The following PGBD5 variants were observed in gnomAD, a reference collection of about 807,000 sequenced individuals.
PGBD5 encodes the protein piggyBac transposable element-derived protein 5.
PGBD5 carries 14 observed loss-of-function variants against 47.9 expected under a neutral mutation model. The ratio of observed to expected loss-of-function variants is 0.29; its 90% CI spans 0.19 to 0.46. The LOEUF (loss-of-function observed/expected upper bound fraction) is 0.46, where lower values mean the gene tolerates loss of function less well. Among genes scored for constraint, PGBD5 ranks in the 20% least tolerant of loss-of-function variants. PGBD5 has a pLI of 1.00. For missense variants in PGBD5, 635 were observed against 716.0 expected (o/e 0.89, Z 1.29); for synonymous variants, 316 against 306.3 (o/e 1.03, Z -0.33).
intron 3 of PGBD5, 41 bp downstream of exon 3, chr1:230,350,917 C>A (rs1295603942): frequency 1.1e-5 from 18 of 1,603,110 alleles, no homozygotes; most frequent in Non-Finnish European, 1.4e-5. Context: ...TCTTCCCCGA[C>A]CCTCTTCACC....
At chr1:230,334,020 C>G (rs1265829506) in intron 4 of PGBD5, among the ~76,000 whole-genome samples, 1 of 152,236 alleles carries the variant, frequency 6.6e-6, no homozygotes, top group Non-Finnish European at 1.5e-5. Context: ...ACTCTCTGCT[C>G]AGCTCCCGGA....
chr1:230,368,701 G>C (rs1667881372), intron 1 of PGBD5, among the ~76,000 whole-genome samples: 1 of 152,234 alleles, frequency 6.6e-6, no homozygotes, highest in Non-Finnish European at 1.5e-5. Context: ...ACAGGGACAG[G>C]GTCGGTAATG....
chr1:230,382,283 ATTTTAAT>A (rs147293704), intron 1 of PGBD5, among the ~76,000 whole-genome samples: 12,291 of 152,202 alleles, frequency 0.081, 699 homozygotes, highest in African/African-American at 0.17. Flanking sequence ...ATTTTGAAGT[ATTTTAAT>A]TTTTAACAGG....
intron 1 of PGBD5, among the ~76,000 whole-genome samples, chr1:230,402,129 A>C (rs1657152703): frequency 2.0e-5 from 3 of 152,214 alleles, no homozygotes; most frequent in Non-Finnish European, 4.4e-5. Flanking sequence ...TTAAAAAAAA[A>C]GAAATGAACA....
At chr1:230,374,928 C>T (rs1404056466) in intron 1 of PGBD5, among the ~76,000 whole-genome samples, 1 of 152,052 alleles carries the variant, frequency 6.6e-6, no homozygotes, top group African/African-American at 2.4e-5. Flanking sequence ...GAGGAGAGAG[C>T]AGGCATGGGG....
At position 230,357,658 on chromosome 1, in the gene PGBD5, CG is replaced by C. The variant is rs971619504; in HGVS notation, c.332-338del. On this transcript the variant is annotated intron_variant, in intron 1 of 6. Coordinates refer to ENST00000391860, the MANE Select transcript of PGBD5 (RefSeq NM_001258311.2). This position sits in a 1 kb window ranked among gnomAD's most constrained non-coding sequence, Gnocchi z 5.7. ...CCACACCAGACCGGAGGACAGCCCT[CG>C]GGGGGCGCAGTCACGTGGAATCCCT... Among the ~76,000 whole-genome samples, 2 of 152,144 alleles carry C rather than the reference CG, an allele frequency of 1.3e-5. No individual in the cohort carries two copies. Among genetic ancestry groups the C allele is most frequent in the African/African-American group, 4.8e-5 (2 of 41,424 alleles).
intron 3 of PGBD5, among the ~76,000 whole-genome samples, chr1:230,342,864 C>T (rs1667427835): frequency 6.6e-6 from 1 of 152,190 alleles, no homozygotes. Flanking sequence ...TTTTCATTTA[C>T]ATTTAAATTA....
At chr1:230,327,088 G>T (rs781053775) in intron 5 of PGBD5, among the ~76,000 whole-genome samples, 7 of 152,188 alleles carry the variant, frequency 4.6e-5, no homozygotes, top group Non-Finnish European at 8.8e-5. Flanking sequence ...CAACACGGAA[G>T]ATGAGACGGA....
At chr1:230,337,073 G>A in intron 4 of PGBD5, 35 bp downstream of exon 4, 1 of 1,600,260 alleles carries the variant, frequency 6.2e-7, no homozygotes, top group South Asian at 1.1e-5. Context: ...AGGGGAGGCT[G>A]GGCCGTATCC....
intron 1 of PGBD5, among the ~76,000 whole-genome samples, chr1:230,408,585 A>C (rs931358650): frequency 1.3e-5 from 2 of 152,216 alleles, no homozygotes; most frequent in East Asian, 3.8e-4. Context: ...TTGATTTTTG[A>C]CCATAGGTGT....
At chr1:230,388,998 C>T (rs1202416888) in intron 1 of PGBD5, among the ~76,000 whole-genome samples, 1 of 152,148 alleles carries the variant, frequency 6.6e-6, no homozygotes, top group African/African-American at 2.4e-5. Context: ...CCACCACCAG[C>T]CCCAATGCCC....
chr1:230,375,633 A>C (rs1373764742), intron 1 of PGBD5, among the ~76,000 whole-genome samples: 1 of 145,772 alleles, frequency 6.9e-6, no homozygotes, highest in East Asian at 2.0e-4. Context: ...ACACAAGGTC[A>C]TCTGAGCTTC....
intron 1 of PGBD5, among the ~76,000 whole-genome samples, chr1:230,389,668 C>A (rs191274801): frequency 8.7e-4 from 133 of 152,244 alleles, no homozygotes; most frequent in Middle Eastern, 3.4e-3. Flanking sequence ...GTTGAGAGAG[C>A]TGTGGAAATG....
At chr1:230,362,325 AT>A in intron 1 of PGBD5, 1 of 1,367,722 alleles carries the variant, frequency 7.3e-7, no homozygotes, top group African/African-American at 1.5e-5. Context: ...CGAGGAATGG[AT>A]TATAGGGCGG....
At position 230,357,420 on chromosome 1, in the gene PGBD5, A is replaced by T. The variant is rs958954972; in HGVS notation, c.332-99T>A. On this transcript the variant is annotated intron_variant, in intron 1 of 6. Coordinates refer to ENST00000391860, the MANE Select transcript of PGBD5 (RefSeq NM_001258311.2). This position sits in a 1 kb window ranked among gnomAD's most constrained non-coding sequence, Gnocchi z 5.7. ...TTTCCAATCCCTGGGTCCCTGGCCG[A>T]GTGCCCCCGCTGCCTCCAGTGCTAC... is the stretch of plus-strand genomic sequence containing the variant. 46 of 1,340,642 alleles carry T rather than the reference A, an allele frequency of 3.4e-5. No individual in the cohort carries two copies. Among genetic ancestry groups the T allele is most frequent in the Non-Finnish European group, 4.5e-5 (44 of 979,372 alleles). The allele number at this position is 1,340,642 out of a possible 1,614,324, so 83.0% of individuals were successfully genotyped here.
chr1:230,373,338 TTGTGTCGGCC>T (rs1667956886), intron 1 of PGBD5, among the ~76,000 whole-genome samples: 3 of 152,178 alleles, frequency 2.0e-5, no homozygotes, highest in African/African-American at 7.2e-5. Context: ...GTTTTGGGTC[TTGTGTCGGCC>T]CCAATAGTCT....
chr1:230,377,756 A>T, intron 1 of PGBD5: 6 of 1,344,590 alleles, frequency 4.5e-6, no homozygotes, highest in South Asian at 1.7e-5. Context: ...AATACTGTGC[A>T]TAAAGCACAG....
chr1:230,392,973 G>A (rs1433751804), intron 1 of PGBD5, among the ~76,000 whole-genome samples: 1 of 151,250 alleles, frequency 6.6e-6, no homozygotes, highest in African/African-American at 2.4e-5. Flanking sequence ...GGGAGGAGGA[G>A]GAAAAGGGAG....
chr1:230,365,734 C>T (rs1478040153), intron 1 of PGBD5, among the ~76,000 whole-genome samples: 2 of 152,224 alleles, frequency 1.3e-5, no homozygotes, highest in Non-Finnish European at 2.9e-5. Flanking sequence ...GGCTCGAGGG[C>T]CCTCCAGTCA....
Sources: gnomAD v4.1 joint callset for allele counts (sites outside exome capture counted in the v4.1 genomes callset) on GRCh38, gnomAD v4.1.1 for gene constraint, Gnocchi (gnomAD v3.1) non-coding constraint, MANE v1.5 for transcripts, NCBI Gene and HGNC (gene_info 2026-07-23, HGNC 2026-07-21) for gene names.